KCNMB2: variants seen among roughly 807,000 people sequenced by gnomAD.
KCNMB2 encodes the protein potassium calcium-activated channel subfamily M regulatory beta subunit 2, also known as calcium-activated potassium channel subunit beta-2.
A neutral mutation model predicts 24.5 loss-of-function variants in KCNMB2; 9 were observed. The observed-to-expected ratio is 0.37, with a 90% CI of 0.22 to 0.64. The LOEUF (loss-of-function observed/expected upper bound fraction) is 0.64. KCNMB2 is among the 30% of genes least tolerant of loss of function. The pLI, the probability that KCNMB2 is intolerant of heterozygous loss-of-function variation, is 0.63. For synonymous variants in KCNMB2, 109 were observed against 104.4 expected (o/e 1.04, Z -0.27); for missense variants, 226 against 284.3 (o/e 0.79, Z 1.47).
At chr3:178,573,997 C>T (rs1716902980) in intron 1 of KCNMB2, among the ~76,000 whole-genome samples, 1 of 152,036 alleles carries the variant, frequency 6.6e-6, no homozygotes, top group African/African-American at 2.4e-5. Context: ...CTGTGAGAAG[C>T]AAATGGCATA....
intron 1 of KCNMB2, among the ~76,000 whole-genome samples, chr3:178,707,004 G>A (rs1373554190): frequency 1.3e-5 from 2 of 152,034 alleles, no homozygotes; most frequent in African/African-American, 2.4e-5. Context: ...AACTTAAAGT[G>A]TAATAAATAT....
At chr3:178,754,078 T>A (rs557681254) in intron 1 of KCNMB2, among the ~76,000 whole-genome samples, 2 of 150,672 alleles carry the variant, frequency 1.3e-5, no homozygotes, top group Non-Finnish European at 3.0e-5. Context: ...CTTAACATAA[T>A]GTCCTCCACA....
At chr3:178,740,371 C>T (rs995825666) in intron 1 of KCNMB2, among the ~76,000 whole-genome samples, 2 of 152,146 alleles carry the variant, frequency 1.3e-5, no homozygotes, top group Non-Finnish European at 2.9e-5. Context: ...CTGCCCGCCT[C>T]AGCCTCCCAA....
chr3:178,705,882 T>A (rs1316958844), intron 1 of KCNMB2, among the ~76,000 whole-genome samples: 1 of 152,076 alleles, frequency 6.6e-6, no homozygotes, highest in Non-Finnish European at 1.5e-5. Context: ...AAACCCCATC[T>A]CCTTCAGCCA....
chr3:178,706,380 T>C (rs1253146288), intron 1 of KCNMB2, among the ~76,000 whole-genome samples: 1 of 152,140 alleles, frequency 6.6e-6, no homozygotes, highest in Non-Finnish European at 1.5e-5. Context: ...TTATATGCCC[T>C]TGACAAAGGT....
chr3:178,821,018 C>T (rs545203334), intron 2 of KCNMB2, among the ~76,000 whole-genome samples: 1 of 152,274 alleles, frequency 6.6e-6, no homozygotes, highest in East Asian at 1.9e-4. Context: ...AAGTCAAATT[C>T]CTGCTCTACA....
chr3:178,717,005 T>C (rs558410248), intron 1 of KCNMB2, among the ~76,000 whole-genome samples: 2 of 151,848 alleles, frequency 1.3e-5, no homozygotes, highest in Non-Finnish European at 2.9e-5. Flanking sequence ...ATGATCAGCT[T>C]GTCAGGCTTA....
At chr3:178,617,087 G>A (rs535689587) in intron 1 of KCNMB2, among the ~76,000 whole-genome samples, 65 of 152,022 alleles carry the variant, frequency 4.3e-4, no homozygotes, top group South Asian at 8.3e-4. Flanking sequence ...TTTTTGTTGC[G>A]TGTGTTTTTT....
At chr3:178,611,795 T>A (rs183939687) in intron 1 of KCNMB2, among the ~76,000 whole-genome samples, 1 of 152,316 alleles carries the variant, frequency 6.6e-6, no homozygotes. Flanking sequence ...ATACTAATTA[T>A]GGGATTGACT....
intron 2 of KCNMB2, among the ~76,000 whole-genome samples, chr3:178,809,801 TTTTTTA>T (rs1577205190): frequency 6.6e-6 from 1 of 152,226 alleles, no homozygotes; most frequent in Admixed American, 6.5e-5. Context: ...ACTGTTTTAA[TTTTTTA>T]TTTTTAAAGT....
At chr3:178,835,365 A>C (rs988157410) in intron 4 of KCNMB2, among the ~76,000 whole-genome samples, 1 of 152,218 alleles carries the variant, frequency 6.6e-6, no homozygotes, top group African/African-American at 2.4e-5. Context: ...TGTAGGATCC[A>C]CTTTTTAAAA....
At chr3:178,840,267 TTCACCCTGTGG>T (rs1715379347) in intron 4 of KCNMB2, among the ~76,000 whole-genome samples, 1 of 152,230 alleles carries the variant, frequency 6.6e-6, no homozygotes, top group Admixed American at 6.5e-5. Flanking sequence ...CTTGGGCAGC[TTCACCCTGTGG>T]TGTGGTTCTG....
chr3:178,600,784 G>A (rs567767930), intron 1 of KCNMB2, among the ~76,000 whole-genome samples: 20 of 152,250 alleles, frequency 1.3e-4, no homozygotes, highest in African/African-American at 4.6e-4. Flanking sequence ...CTTTATAGTA[G>A]AATGATTTAT....
intron 1 of KCNMB2, among the ~76,000 whole-genome samples, chr3:178,563,793 GA>G (rs752390954): frequency 1.3e-5 from 2 of 152,158 alleles, no homozygotes; most frequent in Non-Finnish European, 2.9e-5. Context: ...TAGGCGTAGT[GA>G]TGAGGAGCTT....
At chr3:178,598,734 C>T (rs549266269) in intron 1 of KCNMB2, among the ~76,000 whole-genome samples, 1 of 151,892 alleles carries the variant, frequency 6.6e-6, no homozygotes, top group Admixed American at 6.6e-5. Context: ...GACCAGGGAC[C>T]TCATTTGGTC....
intron 1 of KCNMB2, among the ~76,000 whole-genome samples, chr3:178,790,476 C>T (rs1028791690): frequency 2.0e-5 from 3 of 152,156 alleles, no homozygotes; most frequent in Non-Finnish European, 2.9e-5. Context: ...TCCCCAATTC[C>T]ATATCTTGGT....
At chr3:178,599,949 C>T (rs887596045) in intron 1 of KCNMB2, among the ~76,000 whole-genome samples, 1 of 152,200 alleles carries the variant, frequency 6.6e-6, no homozygotes, top group Non-Finnish European at 1.5e-5. Flanking sequence ...ATGATCTTGG[C>T]TCACTACAAT....
intron 1 of KCNMB2, among the ~76,000 whole-genome samples, chr3:178,714,206 T>C (rs1336858286): frequency 6.6e-6 from 1 of 152,188 alleles, no homozygotes; most frequent in Non-Finnish European, 1.5e-5. Context: ...GGACTTACCA[T>C]GTATTTCATT....
chr3:178,564,574 A>G (rs1407749915), intron 1 of KCNMB2, among the ~76,000 whole-genome samples: 2 of 152,232 alleles, frequency 1.3e-5, no homozygotes, highest in Admixed American at 6.5e-5. Flanking sequence ...TCTAGCAGGC[A>G]CAGTGCTAGG....
Sources: gnomAD v4.1 joint callset for allele counts (sites outside exome capture counted in the v4.1 genomes callset) on GRCh38, gnomAD v4.1.1 for gene constraint, MANE v1.5 for transcripts, NCBI Gene and HGNC (gene_info 2026-07-23, HGNC 2026-07-21) for gene names.